PCCB: variants seen among roughly 807,000 people sequenced by gnomAD.
PCCB encodes the protein propionyl-CoA carboxylase beta chain, mitochondrial.
Under a neutral mutation model 60.7 loss-of-function variants are expected in PCCB, and 43 were observed. The ratio of observed to expected loss-of-function variants is 0.71; its 90% confidence interval spans 0.55 to 0.91. The LOEUF (loss-of-function observed/expected upper bound fraction) is 0.91. PCCB is among the 40% of genes least tolerant of loss of function. The probability of loss-of-function intolerance (pLI) is 0.00; values close to 1 mark genes in which losing one functional copy is unlikely to be tolerated. For synonymous variants in PCCB, 276 were observed against 255.9 expected (o/e 1.08, Z -0.75); for missense variants, 766 against 702.8 (o/e 1.09, Z -1.02).
intron 9 of PCCB, among the ~76,000 whole-genome samples, chr3:136,312,653 A>G (rs1374628095): frequency 6.6e-6 from 1 of 152,238 alleles, no homozygotes; most frequent in Non-Finnish European, 1.5e-5. Flanking sequence ...CCATACAAGC[A>G]CTAAAAGAAA....
intron 13 of PCCB, among the ~76,000 whole-genome samples, 167 bp from the exon 14 acceptor site, chr3:136,328,591 C>T (rs1023151475): frequency 4.6e-5 from 7 of 152,182 alleles, no homozygotes; most frequent in Non-Finnish European, 7.3e-5. Flanking sequence ...TCATGATGGT[C>T]AGCCCCAGGC....
At chr3:136,315,431 T>G (rs572550419) in intron 9 of PCCB, among the ~76,000 whole-genome samples, 2 of 152,038 alleles carry the variant, frequency 1.3e-5, no homozygotes, top group Admixed American at 1.3e-4. Flanking sequence ...CTCGGGAGGC[T>G]TAGGAGAATT....
rs142010849 is a variant in PCCB at position 136,282,866 on chromosome 3, C to T, written c.544-971C>T. Among the ~76,000 whole-genome samples, 156 of 152,292 alleles carry T rather than the reference C, an allele frequency of 1.0e-3. 1 individual carries two copies. The highest frequency in any genetic ancestry group is 9.6e-3 in the East Asian group (50 of 5,182). Reference sequence around the variant, plus strand: ...TGCCACAGGCTTTCACTGTTCTTATCTCAAGTTTAGTAGTTTTTCATGAAT... The same window carrying T: ...TGCCACAGGCTTTCACTGTTCTTATTTCAAGTTTAGTAGTTTTTCATGAAT... On this transcript the variant is annotated intron_variant, in intron 5 of 14. Transcript: ENST00000251654.
intron 5 of PCCB, among the ~76,000 whole-genome samples, chr3:136,268,113 T>G (rs1481735102): frequency 7.5e-6 from 1 of 134,006 alleles, no homozygotes; most frequent in Non-Finnish European, 1.5e-5. Flanking sequence ...TATATATATA[T>G]ATATATATGT....
chr3:136,269,829 T>C (rs1158275283), intron 5 of PCCB, among the ~76,000 whole-genome samples: 1 of 143,648 alleles, frequency 7.0e-6, no homozygotes, highest in Non-Finnish European at 1.5e-5. Flanking sequence ...GAGCCTGTAG[T>C]GAGCCGAGAT....
intron 9 of PCCB, among the ~76,000 whole-genome samples, chr3:136,309,510 C>T (rs756920038): frequency 4.6e-5 from 7 of 151,752 alleles, no homozygotes; most frequent in African/African-American, 9.7e-5. Flanking sequence ...ACTTAAGAAT[C>T]GTTAAGAGGC....
intron 5 of PCCB, among the ~76,000 whole-genome samples, chr3:136,264,869 C>T (rs1178436382): frequency 2.1e-4 from 22 of 105,440 alleles, no homozygotes; most frequent in African/African-American, 4.2e-4. Context: ...AGCAAGACTC[C>T]GTCTCAAAAA....
intron 1 of PCCB, chr3:136,251,101 G>T (rs1337836827): frequency 1.9e-4 from 78 of 409,826 alleles, no homozygotes; most frequent in Non-Finnish European, 3.0e-4. Flanking sequence ...AGCTCTTTAG[G>T]GCCTTAGCAT....
intron 10 of PCCB, among the ~76,000 whole-genome samples, chr3:136,320,228 C>T (rs531236800): frequency 6.6e-6 from 1 of 152,136 alleles, no homozygotes; most frequent in East Asian, 1.9e-4. Flanking sequence ...CCCATTTCTC[C>T]AAAAAAGGCT....
intron 8 of PCCB, among the ~76,000 whole-genome samples, chr3:136,299,880 G>T (rs1214162762): frequency 6.6e-6 from 1 of 151,944 alleles, no homozygotes; most frequent in Admixed American, 6.5e-5. Context: ...GCATGCATGT[G>T]TATGTACGTA....
At chr3:136,327,587 A>T in intron 12 of PCCB, 47 bp from the exon 13 acceptor site, 1 of 1,412,716 alleles carries the variant, frequency 7.1e-7, no homozygotes, top group South Asian at 1.2e-5. Context: ...CAGGGACATG[A>T]TCTGGCTGTC....
chr3:136,253,664 ATTTTTTTT>A (rs35923895), intron 1 of PCCB, among the ~76,000 whole-genome samples: 2 of 123,446 alleles, frequency 1.6e-5, no homozygotes, highest in South Asian at 2.5e-4. Context: ...GGATGACAGA[ATTTTTTTT>A]TTTTTTTTTT....
intron 5 of PCCB, among the ~76,000 whole-genome samples, chr3:136,263,047 T>G (rs1559999279): frequency 6.7e-6 from 1 of 149,362 alleles, no homozygotes; most frequent in Non-Finnish European, 1.5e-5. Flanking sequence ...CTCTGCCTCC[T>G]GGGCTCAAGT....
intron 8 of PCCB, among the ~76,000 whole-genome samples, chr3:136,298,286 C>G (rs1053693366): frequency 8.5e-5 from 13 of 152,176 alleles, no homozygotes; most frequent in Admixed American, 6.5e-4. Flanking sequence ...TAATGTATAT[C>G]TTGGTGGTGA....
At position 136,317,895 on chromosome 3, in the gene PCCB, G is replaced by A. The variant is rs186148836; in HGVS notation, c.1090+831G>A. The stretch of plus-strand genomic sequence containing the variant: ...CATGGCTGTGCTCTGGGAGGGATTG[G>A]GAGTGCTGGGGTGGGGACTGTGAAT... On this transcript the variant is annotated intron_variant, in intron 10 of 14. Transcript: ENST00000251654. Among the ~76,000 whole-genome samples, 16 of 152,310 alleles carry A rather than the reference G, an allele frequency of 1.1e-4. No individual in the cohort carries two copies. The East Asian group carries it at 2.7e-3, about 26-fold the overall frequency.
At chr3:136,273,911 CAAAAAAAAAAAA>C (rs34690853) in intron 5 of PCCB, among the ~76,000 whole-genome samples, 16 of 55,488 alleles carry the variant, frequency 2.9e-4, no homozygotes, top group Non-Finnish European at 4.8e-4. Flanking sequence ...GACTCTGTCT[CAAAAAAAAAAAA>C]AAAAAAAAAA....
At chr3:136,295,686 A>G (rs1933899328) in intron 7 of PCCB, among the ~76,000 whole-genome samples, 1 of 152,252 alleles carries the variant, frequency 6.6e-6, no homozygotes, top group Non-Finnish European at 1.5e-5. Context: ...AAAACATACA[A>G]AGCATAAAAA....
chr3:136,257,880 C>T (rs900541237), intron 3 of PCCB, among the ~76,000 whole-genome samples: 2 of 152,264 alleles, frequency 1.3e-5, no homozygotes, highest in African/African-American at 4.8e-5. Flanking sequence ...TTGCAGTGAG[C>T]CGAGTTTGCG....
At chr3:136,324,193 A>G (rs373147783) in intron 10 of PCCB, among the ~76,000 whole-genome samples, 3 of 152,176 alleles carry the variant, frequency 2.0e-5, no homozygotes, top group South Asian at 4.1e-4. Flanking sequence ...AGATTCTCCC[A>G]AAGTAGCCTC....
Sources: allele counts gnomAD v4.1 joint callset (sites outside exome capture counted in the v4.1 genomes callset), GRCh38; gene constraint gnomAD v4.1.1; transcripts MANE v1.5; gene names NCBI Gene and HGNC (gene_info 2026-07-23, HGNC 2026-07-21).